The following SPAG16 variants were observed in gnomAD, a reference collection of about 807,000 sequenced individuals.
The protein encoded by SPAG16 is sperm associated antigen 16, also known as sperm-associated antigen 16 protein.
SPAG16 carries 86 observed loss-of-function variants against 80.4 expected under a neutral mutation model. The observed-to-expected ratio is 1.07, with a 90% CI of 0.90 to 1.28. The LOEUF is 1.28. Ranked by LOEUF, SPAG16 falls within the 50% of genes most tolerant of loss-of-function variation. SPAG16 has a pLI of 0.00. For missense variants in SPAG16, 870 were observed against 765.3 expected, an observed-to-expected ratio of 1.14 and a Z score of -1.61; for synonymous variants, 294 against 265.9, an observed-to-expected ratio of 1.11 and a Z score of -1.03.
intron 15 of SPAG16, among the ~76,000 whole-genome samples, chr2:214,403,340 T>A (rs1484648943): frequency 6.7e-6 from 1 of 148,590 alleles, no homozygotes; most frequent in Non-Finnish European, 1.5e-5. Context: ...TTTATATATT[T>A]ATATTTATAT....
intron 9 of SPAG16, among the ~76,000 whole-genome samples, chr2:213,476,550 A>G (rs2073403744): frequency 6.6e-6 from 1 of 152,208 alleles, no homozygotes; most frequent in Admixed American, 6.5e-5. Context: ...GTTTTTGTAA[A>G]AAATCTGAGG....
intron 3 of SPAG16, among the ~76,000 whole-genome samples, chr2:213,308,807 A>C (rs780224896): frequency 1.3e-5 from 2 of 152,104 alleles, no homozygotes; most frequent in Non-Finnish European, 2.9e-5. Context: ...TTTAATCTAT[A>C]ATTGAAGAAG....
At position 213,331,373 on chromosome 2, in the gene SPAG16, C is replaced by G. The variant is rs150098569; in HGVS notation, c.537-8790C>G. 9.8e-5 allele frequency among the ~76,000 whole-genome samples: 15 copies of G among 152,340 alleles called. No homozygotes were observed. In the East Asian group the frequency reaches 2.9e-3, roughly 29 times the overall value. On this transcript the variant is annotated intron_variant, in intron 5 of 15. Transcript: ENST00000331683. ...TGTCATTATTTAATGATAGAGCAGT[C>G]AGTTCAGCAAGAGGATATAACAATT...
intron 10 of SPAG16, among the ~76,000 whole-genome samples, chr2:213,648,403 C>G (rs1323416636): frequency 6.6e-6 from 1 of 152,180 alleles, no homozygotes; most frequent in Non-Finnish European, 1.5e-5. Flanking sequence ...ATCTGCCACA[C>G]TAACCTCAAA....
chr2:213,534,535 G>T (rs1382848544), intron 10 of SPAG16, among the ~76,000 whole-genome samples: 1 of 151,990 alleles, frequency 6.6e-6, no homozygotes, highest in Non-Finnish European at 1.5e-5. Flanking sequence ...TTTATAAAAT[G>T]GACTACAACT....
chr2:213,969,846 A>C (rs1036351493), intron 12 of SPAG16, among the ~76,000 whole-genome samples: 1 of 152,118 alleles, frequency 6.6e-6, no homozygotes, highest in African/African-American at 2.4e-5. Context: ...TTTAGCCACT[A>C]TGCTTATAAT....
At chr2:213,350,491 T>C in intron 6 of SPAG16, 37 bp from the exon 7 acceptor site, 1 of 1,122,436 alleles carries the variant, frequency 8.9e-7, no homozygotes, top group Non-Finnish European at 1.3e-6. Context: ...TTTAACTCAA[T>C]AACCCCTTAA....
intron 10 of SPAG16, among the ~76,000 whole-genome samples, chr2:213,826,149 T>C (rs1195512625): frequency 6.6e-6 from 1 of 151,980 alleles, no homozygotes; most frequent in Non-Finnish European, 1.5e-5. Flanking sequence ...TCTCTCTTTT[T>C]TCACAGTCTG....
intron 13 of SPAG16, among the ~76,000 whole-genome samples, chr2:214,023,094 T>G (rs777898017): frequency 1.3e-5 from 2 of 151,986 alleles, no homozygotes; most frequent in African/African-American, 4.8e-5. Flanking sequence ...GCCTTTTATT[T>G]CAGATAAACC....
chr2:213,893,353 A>G (rs1420162491), intron 11 of SPAG16, among the ~76,000 whole-genome samples: 2 of 152,164 alleles, frequency 1.3e-5, no homozygotes, highest in Non-Finnish European at 2.9e-5. Flanking sequence ...ATGTGAAGGA[A>G]ACAAACAAAA....
At position 213,839,362 on chromosome 2, in the gene SPAG16, T is replaced by G. The variant is rs185573211; in HGVS notation, c.1071-23123T>G. ...AAGTTATTAAAAATGTATTTTTTCC[T>G]CTCTACATATATGAGAAAACATTTT... is the stretch of plus-strand genomic sequence containing the variant. On this transcript the variant is annotated intron_variant, in intron 10 of 15. Coordinates refer to ENST00000331683, the MANE Select transcript of SPAG16 (RefSeq NM_024532.5). Among the ~76,000 whole-genome samples, 959 of 152,342 alleles carry G rather than the reference T, an allele frequency of 6.3e-3. 9 individuals carry two copies. The highest frequency in any genetic ancestry group is 7.8e-3 in the Non-Finnish European group (532 of 68,026).
At chr2:214,176,290 A>AC (rs368918275) in intron 15 of SPAG16, among the ~76,000 whole-genome samples, 14 of 150,788 alleles carry the variant, frequency 9.3e-5, no homozygotes, top group Non-Finnish European at 1.8e-4. Flanking sequence ...TAAAAAAAAA[A>AC]CAATATTATT....
intron 15 of SPAG16, among the ~76,000 whole-genome samples, chr2:214,402,285 G>GATTT (rs1701754128): frequency 1.3e-5 from 2 of 151,748 alleles, no homozygotes; most frequent in Admixed American, 6.6e-5. Flanking sequence ...TTCAAACTTG[G>GATTT]ATTTATTAAC....
intron 13 of SPAG16, among the ~76,000 whole-genome samples, chr2:214,099,011 T>C (rs1233842487): frequency 1.3e-5 from 2 of 152,120 alleles, no homozygotes; most frequent in Admixed American, 1.3e-4. Context: ...GACTTTCAAG[T>C]CGTGTCTGTT....
intron 10 of SPAG16, among the ~76,000 whole-genome samples, chr2:213,523,109 A>G (rs941462417): frequency 3.7e-4 from 56 of 152,180 alleles, no homozygotes; most frequent in African/African-American, 1.2e-3. Flanking sequence ...CATAATCCTC[A>G]CATGTCATGG....
intron 13 of SPAG16, among the ~76,000 whole-genome samples, chr2:214,022,532 G>A (rs1390935055): frequency 1.3e-5 from 2 of 152,108 alleles, no homozygotes; most frequent in African/African-American, 2.4e-5. Context: ...TGAGAACTCA[G>A]TATCTTTTAG....
rs1279347591 is a variant in SPAG16 at position 213,296,565 on chromosome 2, G to A, written c.183+455G>A. 8.3e-4 allele frequency among the ~76,000 whole-genome samples: 127 copies of A among 152,238 alleles called. 1 individual carries two copies. The highest frequency in any genetic ancestry group is 3.4e-4 in the Non-Finnish European group (23 of 68,016). ...CTTTCCTTTAATTCATTGTTCCCGA[G>A]ACCTATCATTACTTCGGACACTTGG... On this transcript the variant is annotated intron_variant, in intron 2 of 15. Coordinates refer to ENST00000331683, the MANE Select transcript of SPAG16 (RefSeq NM_024532.5).
chr2:213,381,897 G>A (rs2067194600), intron 9 of SPAG16, among the ~76,000 whole-genome samples: 1 of 152,216 alleles, frequency 6.6e-6, no homozygotes, highest in Non-Finnish European at 1.5e-5. Context: ...TAGGTGATCA[G>A]ATATACTGCC....
intron 10 of SPAG16, among the ~76,000 whole-genome samples, chr2:213,603,656 A>G (rs2061148266): frequency 6.6e-6 from 1 of 152,252 alleles, no homozygotes; most frequent in South Asian, 2.1e-4. Flanking sequence ...GGAATGAGAT[A>G]GAAATCGAAT....
Sources: gnomAD v4.1 joint callset for allele counts (sites outside exome capture counted in the v4.1 genomes callset) on GRCh38, gnomAD v4.1.1 for gene constraint, MANE v1.5 for transcripts, NCBI Gene and HGNC (gene_info 2026-07-23, HGNC 2026-07-21) for gene names.